The following CSMD3 variants were observed in gnomAD, a reference collection of about 807,000 sequenced individuals.
CSMD3 encodes CUB and Sushi multiple domains 3.
CSMD3 carries 177 observed loss-of-function variants against 435.2 expected under a neutral mutation model. The observed-to-expected ratio is 0.41, with a 90% CI of 0.36 to 0.46. CSMD3 has a LOEUF of 0.46. Among genes scored for constraint, CSMD3 ranks in the 20% least tolerant of loss-of-function variants. The pLI is 0.34. For synonymous variants in CSMD3, 1,656 were observed against 1,520.5 expected, an observed-to-expected ratio of 1.09 and a Z score of -2.07; for missense variants, 4,265 against 4,504.6, an observed-to-expected ratio of 0.95 and a Z score of 1.52.
At chr8:112,484,987 A>C (rs1819982098) in intron 31 of CSMD3, among the ~76,000 whole-genome samples, 1 of 152,154 alleles carries the variant, frequency 6.6e-6, no homozygotes, top group African/African-American at 2.4e-5. Context: ...ATTACTTCTT[A>C]CATTGGCTAC....
At chr8:113,153,130 AGAAG>A (rs35232074) in intron 4 of CSMD3, among the ~76,000 whole-genome samples, 2,549 of 82,698 alleles carry the variant, frequency 0.031, 52 homozygotes, top group Middle Eastern at 0.086. Context: ...AGAAAGAGAA[AGAAG>A]GAAGGAAGGA....
At chr8:112,369,427 C>T (rs1228890819) in intron 38 of CSMD3, among the ~76,000 whole-genome samples, 1 of 152,116 alleles carries the variant, frequency 6.6e-6, no homozygotes, top group Non-Finnish European at 1.5e-5. Context: ...CAAACTAGCA[C>T]ATTTGGTGCA....
At chr8:112,838,218 G>A (rs2080083243) in intron 11 of CSMD3, among the ~76,000 whole-genome samples, 1 of 151,492 alleles carries the variant, frequency 6.6e-6, no homozygotes, top group Admixed American at 6.6e-5. Context: ...TGTGAAATAC[G>A]GCAAAGTGAA....
chr8:113,347,173 T>C (rs555996022), intron 1 of CSMD3, among the ~76,000 whole-genome samples: 2 of 152,292 alleles, frequency 1.3e-5, no homozygotes, highest in South Asian at 4.1e-4. Flanking sequence ...AGAGAAAATA[T>C]TTCCACATCA....
chr8:112,292,555 G>T lies in CSMD3; in HGVS notation c.8770C>A (p.Pro2924Thr). ...QCQANRQWSH[P>T]PPMCKVVNCS... ...CATTTACCTTTGCACATAGGTGGAG[G>T]ATGGCTCCACTGTCTGTTGGCCTGG... Residue 2924 changes from proline to threonine, a missense_variant, in exon 55 of 71, where the codon CCT (proline) becomes ACT (threonine). Physicochemically the swap from Pro to Thr is conservative, Grantham distance 38 (BLOSUM62 -1). Transcript: ENST00000297405. The T allele has an allele frequency of 6.2e-7, 1 of 1,613,718 alleles. No homozygotes were observed. Among genetic ancestry groups the T allele is most frequent in the Non-Finnish European group, 8.5e-7 (1 of 1,179,698 alleles).
chr8:112,513,826 T>C lies in CSMD3; in HGVS notation c.4756+3208A>G, dbSNP rs150686455. Among the ~76,000 whole-genome samples the C allele has an allele frequency of 3.9e-5, 6 of 152,286 alleles. No individual in the cohort carries two copies. In the East Asian group the frequency reaches 1.2e-3, roughly 29 times the overall value. ...TTGTGATTTTTTTCCACTTGGATTA[T>C]GTGTAATTTTGGAGAGGGTAGGGGA... On this transcript the variant is annotated intron_variant, in intron 28 of 70. Coordinates refer to ENST00000297405, the MANE Select transcript of CSMD3 (RefSeq NM_198123.2).
chr8:113,272,816 A>G (rs2093539761), intron 3 of CSMD3, among the ~76,000 whole-genome samples: 1 of 152,168 alleles, frequency 6.6e-6, no homozygotes, highest in Admixed American at 6.6e-5. Flanking sequence ...AACATATTGA[A>G]GTAGAGAGTA....
At position 112,872,288 on chromosome 8, in the gene CSMD3, C is replaced by G. The variant is rs147204765; in HGVS notation, c.1634-13022G>C. ...TGCAGTTACAATTAGGACTAATCTT[C>G]AAATACATCTGAGTGTCATCTGCAT... On this transcript the variant is annotated intron_variant, in intron 10 of 70. Transcript: ENST00000297405. 3.3e-5 allele frequency among the ~76,000 whole-genome samples: 5 copies of G among 152,118 alleles called. No individual in the cohort carries two copies. The East Asian group carries it at 9.7e-4, about 29-fold the overall frequency.
intron 5 of CSMD3, among the ~76,000 whole-genome samples, chr8:113,068,581 CTG>C (rs1242738650): frequency 5.9e-5 from 9 of 152,138 alleles, no homozygotes; most frequent in Non-Finnish European, 1.2e-4. Context: ...GAAATGTCAA[CTG>C]GCAACCTTCT....
chr8:113,184,192 T>C (rs900122103), intron 3 of CSMD3, among the ~76,000 whole-genome samples: 1 of 151,828 alleles, frequency 6.6e-6, no homozygotes, highest in African/African-American at 2.4e-5. Flanking sequence ...ATGGAAAGGG[T>C]TACAGAGCTT....
At chr8:112,293,440 T>C (rs1039995730) in intron 54 of CSMD3, among the ~76,000 whole-genome samples, 13 of 152,122 alleles carry the variant, frequency 8.5e-5, no homozygotes, top group African/African-American at 3.1e-4. Flanking sequence ...TTATGAATAA[T>C]AGATTGATAA....
chr8:113,373,978 A>C (rs1319966315), intron 1 of CSMD3, among the ~76,000 whole-genome samples: 1 of 152,114 alleles, frequency 6.6e-6, no homozygotes, highest in African/African-American at 2.4e-5. Flanking sequence ...ATTTAACTGA[A>C]TATCTCTCTA....
chr8:113,176,400 T>C (rs769300464), intron 3 of CSMD3, among the ~76,000 whole-genome samples: 5 of 152,124 alleles, frequency 3.3e-5, no homozygotes, highest in Non-Finnish European at 7.4e-5. Context: ...GACTTCTCTC[T>C]ATGCTGTCTA....
chr8:112,919,925 T>A (rs747705319), intron 10 of CSMD3, among the ~76,000 whole-genome samples: 1 of 151,866 alleles, frequency 6.6e-6, no homozygotes, highest in Non-Finnish European at 1.5e-5. Flanking sequence ...ATAGACAATG[T>A]TTTTTGGGTG....
At chr8:112,318,289 C>T (rs1448394555) in intron 47 of CSMD3, among the ~76,000 whole-genome samples, 1 of 151,956 alleles carries the variant, frequency 6.6e-6, no homozygotes, top group African/African-American at 2.4e-5. Context: ...TTATATGAAT[C>T]TACAGCTTCC....
chr8:112,975,378 C>T (rs1321695019), intron 7 of CSMD3, among the ~76,000 whole-genome samples: 2 of 152,056 alleles, frequency 1.3e-5, no homozygotes, highest in African/African-American at 4.8e-5. Flanking sequence ...TACATATTCT[C>T]AAGTACTAAC....
At chr8:112,458,215 C>CCACACA (rs1283555462) in intron 32 of CSMD3, among the ~76,000 whole-genome samples, 1 of 150,690 alleles carries the variant, frequency 6.6e-6, no homozygotes, top group Non-Finnish European at 1.5e-5. Context: ...ACACTCACAC[C>CCACACA]CACACACACA....
intron 1 of CSMD3, among the ~76,000 whole-genome samples, chr8:113,351,516 G>A (rs1563733173): frequency 6.6e-6 from 1 of 151,862 alleles, no homozygotes; most frequent in Admixed American, 6.6e-5. Context: ...TGAGAAAAAT[G>A]GAGATAGAGT....
At chr8:112,974,484 A>G (rs150993645) in intron 7 of CSMD3, among the ~76,000 whole-genome samples, 1 of 152,002 alleles carries the variant, frequency 6.6e-6, no homozygotes, top group East Asian at 1.9e-4. Flanking sequence ...AATAGTTTTT[A>G]ACATTTTAAT....
Sources: gnomAD v4.1 joint callset for allele counts (sites outside exome capture counted in the v4.1 genomes callset) on GRCh38, gnomAD v4.1.1 for gene constraint, MANE v1.5 for transcripts, NCBI Gene and HGNC (gene_info 2026-07-23, HGNC 2026-07-21) for gene names.